COL5A2: variants seen among roughly 807,000 people sequenced by gnomAD.
The protein encoded by COL5A2 is collagen type V alpha 2 chain.
COL5A2 carries 23 observed loss-of-function variants against 208.2 expected under a neutral mutation model. That is an observed-to-expected ratio of 0.11 (90% CI 0.08 to 0.16). COL5A2 has a LOEUF of 0.16. Ranked by LOEUF, COL5A2 falls within the 10% of genes least tolerant of loss-of-function variation. COL5A2 has a pLI of 1.00. For missense variants in COL5A2, 1,590 were observed against 1,956.4 expected (o/e 0.81, Z 3.53); for synonymous variants, 625 against 628.5 (o/e 0.99, Z 0.08).
the COL5A2 span, among the ~76,000 whole-genome samples, chr2:189,260,245 A>G: frequency 6.6e-6 from 1 of 152,224 alleles, no homozygotes; most frequent in Non-Finnish European, 1.5e-5. Flanking sequence ...AGCTTCCCAG[A>G]AAGTCATCCA....
chr2:189,255,702 A>C, the COL5A2 span, among the ~76,000 whole-genome samples: 1 of 152,192 alleles, frequency 6.6e-6, no homozygotes, highest in African/African-American at 2.4e-5. Flanking sequence ...CCCCTCAATG[A>C]GCTTATAATC....
intron 1 of COL5A2, among the ~76,000 whole-genome samples, chr2:189,162,996 A>T (rs935216866): frequency 6.6e-6 from 1 of 152,172 alleles, no homozygotes; most frequent in African/African-American, 2.4e-5. Context: ...ACACTTATGT[A>T]TCTCCCATCA....
the COL5A2 span, among the ~76,000 whole-genome samples, chr2:189,299,541 C>T: frequency 6.6e-6 from 1 of 152,242 alleles, no homozygotes; most frequent in South Asian, 2.1e-4. Context: ...AGAGTATACT[C>T]CCTAATGGTA....
chr2:189,314,552 C>T, the COL5A2 span, among the ~76,000 whole-genome samples: 123 of 152,106 alleles, frequency 8.1e-4, no homozygotes, highest in African/African-American at 2.9e-3. Flanking sequence ...AAACAAATCC[C>T]AAAGCTAACA....
At chr2:189,382,213 T>C in the COL5A2 span, among the ~76,000 whole-genome samples, 8 of 152,144 alleles carry the variant, frequency 5.3e-5, no homozygotes, top group African/African-American at 1.9e-4. Context: ...TCAGTGTTTC[T>C]ATGTTGAAGC....
At chr2:189,345,801 A>G in the COL5A2 span, among the ~76,000 whole-genome samples, 5 of 152,148 alleles carry the variant, frequency 3.3e-5, no homozygotes, top group Non-Finnish European at 7.4e-5. Context: ...ATGTAGCCCA[A>G]TTTATGCAAG....
chr2:189,042,544 G>C (rs1685582743), intron 49 of COL5A2, among the ~76,000 whole-genome samples, 176 bp downstream of exon 49: 1 of 152,112 alleles, frequency 6.6e-6, no homozygotes, highest in Non-Finnish European at 1.5e-5. Flanking sequence ...CATATTTCAA[G>C]ATATTTCTAC....
chr2:189,274,894 A>T, the COL5A2 span, among the ~76,000 whole-genome samples: 2 of 152,166 alleles, frequency 1.3e-5, no homozygotes, highest in South Asian at 4.1e-4. Flanking sequence ...GATACTCTTC[A>T]ATGCAAGACC....
chr2:189,323,547 A>T, the COL5A2 span, among the ~76,000 whole-genome samples: 1 of 152,176 alleles, frequency 6.6e-6, no homozygotes, highest in Non-Finnish European at 1.5e-5. Context: ...AGAGAGCCAA[A>T]TCATGAGTGA....
chr2:189,225,520 A>G (rs1435708018), upstream of COL5A2, among the ~76,000 whole-genome samples: 2 of 142,396 alleles, frequency 1.4e-5, no homozygotes, highest in Non-Finnish European at 3.1e-5. Flanking sequence ...TTGGCCAAAC[A>G]ACAGATTTCT....
At chr2:189,419,381 T>A in the COL5A2 span, among the ~76,000 whole-genome samples, 1 of 152,204 alleles carries the variant, frequency 6.6e-6, no homozygotes, top group Admixed American at 6.5e-5. Context: ...TCAATTTTTT[T>A]AGGCAATCTA....
At chr2:189,080,894 T>C in intron 13 of COL5A2, 96 bp downstream of exon 13, 1 of 1,028,154 alleles carries the variant, frequency 9.7e-7, no homozygotes, top group Non-Finnish European at 1.5e-6. Context: ...TAAGGACAAT[T>C]GACAAATTGA....
At chr2:189,265,509 A>AGT in the COL5A2 span, among the ~76,000 whole-genome samples, 1 of 152,202 alleles carries the variant, frequency 6.6e-6, no homozygotes, top group Non-Finnish European at 1.5e-5. Flanking sequence ...GACACCAGTC[A>AGT]GTGGATTAGG....
intron 12 of COL5A2, among the ~76,000 whole-genome samples, chr2:189,082,035 C>G (rs1292371138): frequency 6.6e-6 from 1 of 152,094 alleles, no homozygotes; most frequent in Non-Finnish European, 1.5e-5. Context: ...TGGCACTTAG[C>G]CTTATGTTTG....
the COL5A2 span, among the ~76,000 whole-genome samples, chr2:189,392,732 A>G: frequency 6.6e-6 from 1 of 152,182 alleles, no homozygotes; most frequent in African/African-American, 2.4e-5. Flanking sequence ...TGATAGGCAC[A>G]GTAAATCATA....
At chr2:189,107,041 G>T (rs1266251692) in intron 2 of COL5A2, among the ~76,000 whole-genome samples, 3 of 151,322 alleles carry the variant, frequency 2.0e-5, no homozygotes, top group African/African-American at 7.3e-5. Flanking sequence ...GTGTGTCATT[G>T]TTATTACTTT....
the COL5A2 span, among the ~76,000 whole-genome samples, chr2:189,349,370 T>C: frequency 6.6e-6 from 1 of 152,166 alleles, no homozygotes; most frequent in East Asian, 1.9e-4. Flanking sequence ...TGTTTAACTT[T>C]AAAGCAAATA....
chr2:189,341,393 G>A, the COL5A2 span, among the ~76,000 whole-genome samples: 1 of 152,052 alleles, frequency 6.6e-6, no homozygotes, highest in Admixed American at 6.6e-5. Context: ...ACGCAATTGT[G>A]ACCAAAAGCA....
At chr2:189,045,281 A>C in intron 46 of COL5A2, 49 bp from the exon 47 acceptor site, 2 of 1,203,602 alleles carry the variant, frequency 1.7e-6, no homozygotes, top group Non-Finnish European at 2.5e-6. Flanking sequence ...AAAGATATTC[A>C]CATATTACAT....
Sources: gnomAD v4.1 joint callset for allele counts (sites outside exome capture counted in the v4.1 genomes callset) on GRCh38, gnomAD v4.1.1 for gene constraint, MANE v1.5 for transcripts, NCBI Gene and HGNC (gene_info 2026-07-23, HGNC 2026-07-21) for gene names.